SETD2: variants seen among roughly 807,000 people sequenced by gnomAD.
The protein encoded by SETD2 is histone-lysine N-methyltransferase SETD2.
In SETD2, 31 loss-of-function variants were observed where a neutral mutation model predicts 242.1. The observed-to-expected ratio is 0.13, with a 90% CI of 0.10 to 0.17. SETD2 has a LOEUF of 0.17. Ranked by LOEUF, SETD2 falls within the 10% of genes least tolerant of loss-of-function variation. The pLI is 1.00. For missense variants in SETD2, 2,481 were observed against 3,046.3 expected (o/e 0.81, Z 4.37); for synonymous variants, 1,006 against 1,066.5 (o/e 0.94, Z 1.11).
intron 12 of SETD2, among the ~76,000 whole-genome samples, chr3:47,073,761 T>C (rs1470989724): frequency 6.6e-6 from 1 of 152,170 alleles, no homozygotes; most frequent in Non-Finnish European, 1.5e-5. Context: ...CTAATACATA[T>C]GAGAAAAATT....
intron 18 of SETD2, 62 bp downstream of exon 18, chr3:47,037,604 T>C (rs906436923): frequency 1.8e-5 from 22 of 1,228,378 alleles, no homozygotes; most frequent in Admixed American, 1.2e-4. Flanking sequence ...CCCAAGACCA[T>C]GCGGGATGGT....
At chr3:47,142,553 T>C (rs1462683422) in intron 1 of SETD2, among the ~76,000 whole-genome samples, 1 of 151,988 alleles carries the variant, frequency 6.6e-6, no homozygotes, top group Non-Finnish European at 1.5e-5. Flanking sequence ...TGAAGATCTC[T>C]GTATACTGCT....
chr3:47,139,887 A>C (rs2043686078), intron 1 of SETD2, among the ~76,000 whole-genome samples: 1 of 152,210 alleles, frequency 6.6e-6, no homozygotes, highest in African/African-American at 2.4e-5. Flanking sequence ...TTGATATACA[A>C]GCACTCCTTC....
At chr3:47,142,119 G>T (rs2043743610) in intron 1 of SETD2, among the ~76,000 whole-genome samples, 1 of 152,132 alleles carries the variant, frequency 6.6e-6, no homozygotes, top group Non-Finnish European at 1.5e-5. Flanking sequence ...GCTAGTAAAA[G>T]GTTGTAACAG....
chr3:47,157,247 C>T (rs955792586), intron 1 of SETD2, among the ~76,000 whole-genome samples: 1 of 151,772 alleles, frequency 6.6e-6, no homozygotes, highest in Non-Finnish European at 1.5e-5. Context: ...TGGGCAAGAG[C>T]GAAACCCTGT....
intron 9 of SETD2, among the ~76,000 whole-genome samples, chr3:47,091,007 T>TGA (rs2041781712): frequency 6.6e-6 from 1 of 152,212 alleles, no homozygotes; most frequent in African/African-American, 2.4e-5. Context: ...AAGTGCTGCC[T>TGA]GAGAGAGGTT....
chr3:47,089,282 C>A (rs1295079300), intron 9 of SETD2, among the ~76,000 whole-genome samples: 1 of 152,052 alleles, frequency 6.6e-6, no homozygotes, highest in East Asian at 1.9e-4. Context: ...TTCATCTCTA[C>A]TAAAAATCAA....
intron 18 of SETD2, among the ~76,000 whole-genome samples, chr3:47,020,788 A>G (rs984936081): frequency 1.3e-5 from 2 of 152,188 alleles, no homozygotes; most frequent in Non-Finnish European, 2.9e-5. Context: ...ACAGGGTAGA[A>G]TAATTTTCCT....
At chr3:47,047,651 C>T (rs1343285798) in intron 15 of SETD2, among the ~76,000 whole-genome samples, 2 of 152,154 alleles carry the variant, frequency 1.3e-5, no homozygotes, top group Non-Finnish European at 2.9e-5. Flanking sequence ...TAATTACTGA[C>T]AGGACACAGG....
intron 6 of SETD2, chr3:47,105,580 A>C (rs1251069288): frequency 3.2e-6 from 1 of 316,850 alleles, no homozygotes; most frequent in Admixed American, 4.4e-5. Flanking sequence ...TTGAAAACAA[A>C]TAGACGCTAT....
Position 47,105,944 on chromosome 3 carries a change from C to T in SETD2, c.4839+53G>A, listed in dbSNP as rs1234371766. On this transcript the variant is annotated intron_variant, in intron 6 of 20. Transcript: ENST00000409792. ...AAAAAAATCAAATCAGTATCAATGG[C>T]TCCTTCAAACCTAACAGATCTGTTT... 4.0e-5 allele frequency: 61 copies of T among 1,511,528 alleles called. No individual in the cohort carries two copies. In the Admixed American group the frequency reaches 1.2e-3, roughly 29 times the overall value. 93.6% of individuals were successfully genotyped at this position (1,511,528 alleles called of 1,614,324 possible). A position where few individuals can be genotyped will look rare whatever the true frequency, so the allele number is the denominator to read the frequency against.
Position 47,061,770 on chromosome 3 carries a change from T to C in SETD2, c.6293+393A>G, listed in dbSNP as rs1427476030. ...CATAACAAGAGAGCTTCTGACTAGA[T>C]TTATTAAAAATCAGCATTTTAATTA... On this transcript the variant is annotated intron_variant, in intron 14 of 20. Transcript: ENST00000409792. Among the ~76,000 whole-genome samples the C allele has an allele frequency of 2.0e-5, 3 of 152,208 alleles. No homozygotes were observed. The South Asian group carries it at 6.2e-4, about 32-fold the overall frequency.
chr3:47,119,302 T>C (rs560197273), intron 3 of SETD2: 1 of 152,424 alleles, frequency 6.6e-6, no homozygotes, highest in Admixed American at 6.5e-5. Flanking sequence ...CTCATTATAA[T>C]TTGTTTCATG....
At chr3:47,024,007 T>C (rs1393277723) in intron 18 of SETD2, among the ~76,000 whole-genome samples, 1 of 152,216 alleles carries the variant, frequency 6.6e-6, no homozygotes, top group Non-Finnish European at 1.5e-5. Context: ...TTTCCCTCTC[T>C]CAAGATGGGA....
At chr3:47,022,440 C>G (rs1264850178) in intron 18 of SETD2, among the ~76,000 whole-genome samples, 4 of 150,036 alleles carry the variant, frequency 2.7e-5, no homozygotes, top group African/African-American at 9.9e-5. Flanking sequence ...GAGGTTGAGG[C>G]TGCAGTGAGC....
intron 12 of SETD2, among the ~76,000 whole-genome samples, chr3:47,082,259 C>G (rs897646450): frequency 2.0e-5 from 3 of 152,174 alleles, no homozygotes; most frequent in African/African-American, 7.2e-5. Context: ...TAACATCAAC[C>G]AGAGACTTCT....
chr3:47,067,885 T>C (rs919441898), intron 12 of SETD2, among the ~76,000 whole-genome samples: 1 of 152,198 alleles, frequency 6.6e-6, no homozygotes, highest in Non-Finnish European at 1.5e-5. Flanking sequence ...CAATGTAATA[T>C]CTACTTTCAC....
rs551398490 is a variant in SETD2, at chr3:47,102,644, A to T, written c.4917+702T>A. Among the ~76,000 whole-genome samples, 4 of 152,218 alleles carry T rather than the reference A, an allele frequency of 2.6e-5. No homozygotes were observed. In the South Asian group the frequency reaches 8.3e-4, roughly 32 times the overall value. ...CGTCTCTACTAAAAATACTAAAAAA[A>T]TTAGCTGGACGTGATGGCACGCACG... On this transcript the variant is annotated intron_variant, in intron 7 of 20. Transcript: ENST00000409792.
At chr3:47,056,012 CAAAAAAAAAAAAAAAAAAAAA>C (rs1167181294) in intron 15 of SETD2, among the ~76,000 whole-genome samples, 2 of 39,556 alleles carry the variant, frequency 5.1e-5, no homozygotes, top group African/African-American at 2.4e-4. Context: ...GACTCCGTCT[CAAAAAAAAAAAAAAAAAAAAA>C]AAAAAAAAAA....
Sources: gnomAD v4.1 joint callset for allele counts (sites outside exome capture counted in the v4.1 genomes callset) on GRCh38, gnomAD v4.1.1 for gene constraint, MANE v1.5 for transcripts, NCBI Gene and HGNC (gene_info 2026-07-23, HGNC 2026-07-21) for gene names.